ITPR2: variants seen among roughly 807,000 people sequenced by gnomAD.
ITPR2 encodes the protein inositol 1,4,5-trisphosphate-gated calcium channel ITPR2.
ITPR2 carries 207 observed loss-of-function variants against 317.1 expected under a neutral mutation model. The ratio of observed to expected loss-of-function variants is 0.65; its 90% confidence interval spans 0.58 to 0.73. The LOEUF (loss-of-function observed/expected upper bound fraction) is 0.73, where lower values mean the gene tolerates loss of function less well. Among genes scored for constraint, ITPR2 ranks in the 30% least tolerant of loss-of-function variants. ITPR2 has a pLI of 0.00. For synonymous variants in ITPR2, 1,156 were observed against 1,149.1 expected (o/e 1.01, Z -0.12); for missense variants, 2,613 against 3,284.0 (o/e 0.80, Z 4.99).
intron 37 of ITPR2, among the ~76,000 whole-genome samples, chr12:26,506,792 T>G (rs1006180298): frequency 6.6e-6 from 1 of 152,120 alleles, no homozygotes; most frequent in African/African-American, 2.4e-5. Context: ...TTTTCGTATT[T>G]TACTAAAAAA....
intron 26 of ITPR2, among the ~76,000 whole-genome samples, chr12:26,607,034 A>G (rs895012609): frequency 2.6e-5 from 4 of 152,212 alleles, no homozygotes; most frequent in Admixed American, 2.6e-4. Context: ...AAATCCTACA[A>G]TGTAGAGCTG....
intron 2 of ITPR2, among the ~76,000 whole-genome samples, chr12:26,750,063 C>T (rs1949388851): frequency 1.3e-5 from 2 of 152,192 alleles, no homozygotes; most frequent in African/African-American, 4.8e-5. Context: ...ATTTCTAACT[C>T]CTGCTATGAG....
chr12:26,432,885 A>G (rs994039155), intron 48 of ITPR2, among the ~76,000 whole-genome samples: 3 of 152,196 alleles, frequency 2.0e-5, no homozygotes, highest in African/African-American at 7.2e-5. Flanking sequence ...ATTTTCATCC[A>G]TCTTTAATCT....
intron 40 of ITPR2, among the ~76,000 whole-genome samples, chr12:26,486,623 G>A (rs1049472251): frequency 2.0e-5 from 3 of 152,104 alleles, no homozygotes; most frequent in Non-Finnish European, 4.4e-5. Flanking sequence ...ATGTATATGA[G>A]TTTCATATTC....
chr12:26,405,964 GAA>G (rs1940335990), intron 52 of ITPR2, among the ~76,000 whole-genome samples: 1 of 151,730 alleles, frequency 6.6e-6, no homozygotes, highest in South Asian at 2.1e-4. Flanking sequence ...TCACAAAAAA[GAA>G]AAAACAAAAC....
At chr12:26,500,942 T>C (rs1943058173) in intron 37 of ITPR2, among the ~76,000 whole-genome samples, 1 of 152,116 alleles carries the variant, frequency 6.6e-6, no homozygotes, top group Non-Finnish European at 1.5e-5. Context: ...TTCATTCCCA[T>C]CCCCTTAGAA....
chr12:26,737,630 A>T (rs1341841671), intron 2 of ITPR2, among the ~76,000 whole-genome samples: 1 of 152,186 alleles, frequency 6.6e-6, no homozygotes, highest in Non-Finnish European at 1.5e-5. Context: ...GCATTTACAT[A>T]AAAAGCTCAG....
At chr12:26,409,492 G>A (rs537788964) in intron 52 of ITPR2, among the ~76,000 whole-genome samples, 5 of 152,098 alleles carry the variant, frequency 3.3e-5, no homozygotes, top group African/African-American at 1.2e-4. Context: ...ATGCATTTCT[G>A]GCACCCTTAA....
In ITPR2 at chr12:26,767,518, G is replaced by C. The variant is rs531604793; in HGVS notation, c.163+22639C>G. ...CTGAAAACATTTTGGAAAATCAAAA[G>C]ACTATAAAGAAAATATCACACCTCT... On this transcript the variant is annotated intron_variant, in intron 2 of 56. Coordinates refer to ENST00000381340, the MANE Select transcript of ITPR2 (RefSeq NM_002223.4). 2.2e-4 allele frequency among the ~76,000 whole-genome samples: 34 copies of C among 152,264 alleles called. 1 individual carries two copies. The highest frequency in any genetic ancestry group is 7.9e-4 in the African/African-American group (33 of 41,542).
intron 39 of ITPR2, among the ~76,000 whole-genome samples, chr12:26,490,244 G>A (rs60706530): frequency 0.045 from 6,845 of 152,242 alleles, 367 homozygotes; most frequent in African/African-American, 0.13. Context: ...AGTAGCACAT[G>A]CAAAATGCCA....
chr12:26,477,601 T>C (rs1942448794), intron 43 of ITPR2, among the ~76,000 whole-genome samples: 2 of 152,146 alleles, frequency 1.3e-5, no homozygotes, highest in Admixed American at 1.3e-4. Flanking sequence ...TGTTTACCTT[T>C]GGGTTGTGAA....
intron 32 of ITPR2, among the ~76,000 whole-genome samples, chr12:26,594,407 C>G (rs551315091): frequency 6.6e-6 from 1 of 151,774 alleles, no homozygotes; most frequent in East Asian, 1.9e-4. Context: ...CAAGGATGTA[C>G]CTTGTCATCC....
At chr12:26,368,956 G>A (rs755009759) in intron 55 of ITPR2, among the ~76,000 whole-genome samples, 2 of 152,168 alleles carry the variant, frequency 1.3e-5, no homozygotes, top group South Asian at 4.1e-4. Flanking sequence ...GTGGGGAGAT[G>A]GGACCTCTTT....
At chr12:26,533,199 T>C (rs1489417374) in intron 37 of ITPR2, among the ~76,000 whole-genome samples, 1 of 152,206 alleles carries the variant, frequency 6.6e-6, no homozygotes, top group East Asian at 1.9e-4. Context: ...CCAGTCTATA[T>C]GATGTTTTGA....
intron 2 of ITPR2, among the ~76,000 whole-genome samples, chr12:26,730,680 A>G (rs907923280): frequency 6.6e-6 from 1 of 152,256 alleles, no homozygotes; most frequent in East Asian, 1.9e-4. Flanking sequence ...ACAATGGCTT[A>G]GAATTACAAC....
At position 26,602,724 on chromosome 12, in the gene ITPR2, A is replaced by G. The variant is rs1207877726; in HGVS notation, c.3463-18T>C. 1 of 1,371,662 alleles carries G rather than the reference A, an allele frequency of 7.3e-7. No individual in the cohort carries two copies. Among genetic ancestry groups the G allele is most frequent in the South Asian group, 1.3e-5 (1 of 77,502 alleles). The allele number at this position is 1,371,662 out of a possible 1,614,324, so 85.0% of individuals were successfully genotyped here. On this transcript the variant is annotated intron_variant, in intron 26 of 56. Transcript: ENST00000381340. ...TTTGATTCCTAAAAGGAACACAAAT[A>G]TGTACTTTTATGCCATTTGTAGCTT...
At chr12:26,770,522 T>C (rs1309089410) in intron 2 of ITPR2, among the ~76,000 whole-genome samples, 3 of 152,166 alleles carry the variant, frequency 2.0e-5, no homozygotes, top group Admixed American at 1.3e-4. Context: ...GGCAGTATAG[T>C]TGGTAGCTAA....
chr12:26,764,200 C>T (rs1342390567), intron 2 of ITPR2, among the ~76,000 whole-genome samples: 3 of 151,954 alleles, frequency 2.0e-5, no homozygotes, highest in South Asian at 4.1e-4. Flanking sequence ...CAAAAATTAA[C>T]TAAAAATGGA....
intron 2 of ITPR2, among the ~76,000 whole-genome samples, chr12:26,751,305 A>G (rs1037556458): frequency 3.3e-5 from 5 of 152,284 alleles, no homozygotes; most frequent in Admixed American, 2.6e-4. Context: ...TTTACCTAAT[A>G]ACAAACCTAC....
Sources: allele counts gnomAD v4.1 joint callset (sites outside exome capture counted in the v4.1 genomes callset), GRCh38; gene constraint gnomAD v4.1.1; transcripts MANE v1.5; gene names NCBI Gene and HGNC (gene_info 2026-07-23, HGNC 2026-07-21).